ADGRL3: variants seen among roughly 807,000 people sequenced by gnomAD.
ADGRL3 encodes calcium-independent alpha-latrotoxin receptor 3.
In ADGRL3, 62 loss-of-function variants were observed where a neutral mutation model predicts 153.5. The ratio of observed to expected loss-of-function variants is 0.40; its 90% CI spans 0.33 to 0.50. ADGRL3 has a LOEUF of 0.50. Among genes scored for constraint, ADGRL3 ranks in the 20% least tolerant of loss-of-function variants. The probability of loss-of-function intolerance (pLI) is 0.47; values close to 1 mark genes in which losing one functional copy is unlikely to be tolerated. For missense variants in ADGRL3, 1,641 were observed against 1,859.4 expected (o/e 0.88, Z 2.16); for synonymous variants, 710 against 672.5 (o/e 1.06, Z -0.86).
At chr4:61,979,457 T>A in intron 17 of ADGRL3, 106 bp from the exon 18 acceptor site, 1 of 861,598 alleles carries the variant, frequency 1.2e-6, no homozygotes, top group South Asian at 1.4e-5. Flanking sequence ...GTATAGAGGG[T>A]ATTTTGTGCA....
intron 6 of ADGRL3, among the ~76,000 whole-genome samples, chr4:61,716,109 C>A (rs2096109209): frequency 6.6e-6 from 1 of 151,964 alleles, no homozygotes; most frequent in Non-Finnish European, 1.5e-5. Flanking sequence ...ATTAGATTTG[C>A]TAATGACTTA....
At chr4:61,775,402 TTGTGTGTGTGTGTG>T (rs61671331) in intron 8 of ADGRL3, 15 of 454,006 alleles carry the variant, frequency 3.3e-5, no homozygotes, top group African/African-American at 8.5e-5. Context: ...TTTTCTTTCT[TTGTGTGTGTGTGTG>T]TGTGTGTGTG....
chr4:61,224,214 A>G (rs1451822818), intron 1 of ADGRL3, among the ~76,000 whole-genome samples: 1 of 152,134 alleles, frequency 6.6e-6, no homozygotes, highest in Non-Finnish European at 1.5e-5. Context: ...GACAACTTTA[A>G]ATATGTTTAT....
At chr4:61,967,592 CA>C (rs1448647571) in intron 17 of ADGRL3, among the ~76,000 whole-genome samples, 4 of 152,146 alleles carry the variant, frequency 2.6e-5, no homozygotes, top group African/African-American at 9.7e-5. Context: ...CCCAGCTCTG[CA>C]AAAATACCCA....
intron 21 of ADGRL3, among the ~76,000 whole-genome samples, chr4:62,015,762 T>C (rs570222192): frequency 6.6e-6 from 1 of 152,258 alleles, no homozygotes; most frequent in South Asian, 2.1e-4. Flanking sequence ...TTTCATTTTT[T>C]CCACTTTTTT....
intron 6 of ADGRL3, among the ~76,000 whole-genome samples, chr4:61,677,970 A>G (rs1278738655): frequency 1.3e-5 from 2 of 152,058 alleles, no homozygotes; most frequent in Non-Finnish European, 2.9e-5. Flanking sequence ...GTTCAGCTTC[A>G]TTTATAGAAT....
rs1323010840 is a variant in ADGRL3, at chr4:62,076,141, A to T, written c.*5233A>T. 6.6e-6 allele frequency: 1 copy of T among 152,134 alleles called. No individual in the cohort carries two copies. Among genetic ancestry groups the T allele is most frequent in the East Asian group, 1.9e-4 (1 of 5,190 alleles). The allele number at this position is 152,134 out of a possible 1,614,324, so 9.4% of individuals were successfully genotyped here. Reference sequence around the variant, plus strand: ...TATAGTTTCGCATAATCTCATTGAAAGATATTGCTATTCCTTCTTTATTTA... The same window carrying T: ...TATAGTTTCGCATAATCTCATTGAATGATATTGCTATTCCTTCTTTATTTA... On this transcript the variant is annotated 3_prime_UTR_variant, in exon 27 of 27. Transcript: ENST00000683033.
At chr4:62,041,787 C>G (rs1207753522) in intron 24 of ADGRL3, among the ~76,000 whole-genome samples, 1 of 151,998 alleles carries the variant, frequency 6.6e-6, no homozygotes, top group Admixed American at 6.6e-5. Flanking sequence ...TAAGTGTGGC[C>G]TCTGTGCAAT....
chr4:61,744,543 C>T (rs910905519), intron 8 of ADGRL3, among the ~76,000 whole-genome samples: 10 of 152,296 alleles, frequency 6.6e-5, no homozygotes, highest in South Asian at 4.1e-4. Flanking sequence ...CAGGCAGCAG[C>T]GTTTGTGCTT....
chr4:61,691,115 G>A (rs1255956186), intron 6 of ADGRL3, among the ~76,000 whole-genome samples: 1 of 152,106 alleles, frequency 6.6e-6, no homozygotes. Flanking sequence ...TTAGAACTCT[G>A]TACTTCTTAA....
At chr4:61,480,066 T>A (rs2098115772) in intron 2 of ADGRL3, among the ~76,000 whole-genome samples, 1 of 152,164 alleles carries the variant, frequency 6.6e-6, no homozygotes, top group Non-Finnish European at 1.5e-5. Context: ...TCAGCAAATT[T>A]CAAGCATGTA....
At chr4:61,512,124 T>G (rs962911699) in intron 3 of ADGRL3, among the ~76,000 whole-genome samples, 1 of 81,142 alleles carries the variant, frequency 1.2e-5, no homozygotes, top group Non-Finnish European at 2.4e-5. Context: ...TTTCTTTCCC[T>G]TTTATTATAT....
chr4:62,063,595 T>C (rs1203161159), intron 25 of ADGRL3: 1 of 699,136 alleles, frequency 1.4e-6, no homozygotes, highest in South Asian at 1.5e-5. Context: ...GAACCGGCGG[T>C]CTGTAACAAC....
intron 5 of ADGRL3, among the ~76,000 whole-genome samples, chr4:61,628,266 G>C (rs1025000943): frequency 1.3e-5 from 2 of 152,104 alleles, no homozygotes; most frequent in African/African-American, 4.8e-5. Flanking sequence ...GTGAAGTCTG[G>C]AGACAAATGT....
chr4:61,770,600 G>A (rs2097072941), intron 8 of ADGRL3, among the ~76,000 whole-genome samples: 2 of 152,106 alleles, frequency 1.3e-5, no homozygotes, highest in Non-Finnish European at 2.9e-5. Flanking sequence ...GGAGAGATTT[G>A]GGGATTGTTA....
At chr4:61,736,665 A>G (rs768692242) in intron 8 of ADGRL3, among the ~76,000 whole-genome samples, 4 of 152,300 alleles carry the variant, frequency 2.6e-5, no homozygotes, top group East Asian at 1.9e-4. Context: ...CTCAGAAAAT[A>G]AATAAATAAA....
chr4:61,389,361 G>T (rs1169267432), intron 2 of ADGRL3, among the ~76,000 whole-genome samples: 1 of 152,198 alleles, frequency 6.6e-6, no homozygotes, highest in Non-Finnish European at 1.5e-5. Flanking sequence ...AACCCTGTTT[G>T]TGATGGGGCC....
intron 2 of ADGRL3, among the ~76,000 whole-genome samples, chr4:61,394,767 T>G (rs888115765): frequency 1.4e-4 from 21 of 152,068 alleles, no homozygotes; most frequent in African/African-American, 4.8e-4. Context: ...TTAGCTAAAA[T>G]GTTTATTCAC....
chr4:61,863,382 C>T (rs371867249), intron 9 of ADGRL3, among the ~76,000 whole-genome samples: 74 of 150,376 alleles, frequency 4.9e-4, no homozygotes, highest in Admixed American at 4.6e-3. Context: ...GGACTACAGG[C>T]GCCCGCCACT....
Sources: gnomAD v4.1 joint callset for allele counts (sites outside exome capture counted in the v4.1 genomes callset) on GRCh38, gnomAD v4.1.1 for gene constraint, MANE v1.5 for transcripts, NCBI Gene and HGNC (gene_info 2026-07-23, HGNC 2026-07-21) for gene names.